Variants in NOTCH1 observed in about 807,000 individuals in gnomAD.
The protein encoded by NOTCH1 is notch receptor 1.
A neutral mutation model predicts 254.8 loss-of-function variants in NOTCH1; 37 were observed. That is an observed-to-expected ratio of 0.15 (90% CI 0.11 to 0.19). The LOEUF is 0.19. NOTCH1 is among the 10% of genes least tolerant of loss of function. The pLI is 1.00. For missense variants in NOTCH1, 2,972 were observed against 3,708.6 expected, an observed-to-expected ratio of 0.80 and a Z score of 5.16; for synonymous variants, 1,731 against 1,618.1, an observed-to-expected ratio of 1.07 and a Z score of -1.68.
chr9:136,500,897 C>T (rs1396147441), intron 30 of NOTCH1, 50 bp from the exon 31 acceptor site: 1 of 1,529,832 alleles, frequency 6.5e-7, no homozygotes, highest in Non-Finnish European at 8.8e-7. Context: ...TCCCCAGCTG[C>T]AGCCCAGGGG....
At chr9:136,532,392 C>T (rs1258845632) in intron 2 of NOTCH1, among the ~76,000 whole-genome samples, 2 of 152,220 alleles carry the variant, frequency 1.3e-5, no homozygotes, top group Non-Finnish European at 1.5e-5. Context: ...CAGGACCTCG[C>T]CCAAATCCCA....
rs368677987 is a variant in NOTCH1, at chr9:136,505,525, G to A, written c.4371C>T (p.Asp1457=). 55 of 1,612,410 alleles carry A rather than the reference G, an allele frequency of 3.4e-5. No homozygotes were observed. The South Asian group carries it at 4.4e-4, about 13-fold the overall frequency. The part of the protein sequence containing the change: ...EACELPECQE[D]AGNKVCSLQC... ...GCAGGCTGCAGACCTTGTTGCCCGC[G>A]TCCTCCTGGCACTCGGGCAGCTCGC... The change falls in exon 25 of 34, where the codon GAC becomes GAT. Residue 1457 remains aspartate, a synonymous_variant. Transcript: ENST00000651671.
chr9:136,500,658 G>A lies in NOTCH1; in HGVS notation c.5828C>T (p.Ala1943Val), dbSNP rs2133325955. Residue 1943 changes from alanine (A) to valine (V), a missense_variant, in exon 31 of 34, where the codon GCC becomes GTC. Ala to Val is a moderately conservative substitution (Grantham distance 64). Coordinates refer to ENST00000651671, the MANE Select transcript of NOTCH1 (RefSeq NM_017617.5). Reference protein sequence around the residue: ...HLAARYSRSDAAKRLLEASAD... With the variant: ...HLAARYSRSDVAKRLLEASAD... ...GCTGGCCTCCAGCAGGCGCTTGGCGGCATCAGAGCGTGAGTAGCGGGCGGC... is the reference window on the plus strand; with the variant it reads ...GCTGGCCTCCAGCAGGCGCTTGGCGACATCAGAGCGTGAGTAGCGGGCGGC... 6.2e-7 allele frequency: 1 copy of A among 1,611,682 alleles called. No individual in the cohort carries two copies.
chr9:136,537,025 T>G (rs573831337), intron 2 of NOTCH1, among the ~76,000 whole-genome samples: 2 of 152,324 alleles, frequency 1.3e-5, no homozygotes, highest in Admixed American at 1.3e-4. Flanking sequence ...TGAGCCTGTC[T>G]CGGAGTCCTG....
intron 2 of NOTCH1, among the ~76,000 whole-genome samples, chr9:136,524,639 C>CTTT (rs869128901): frequency 3.7e-4 from 20 of 54,406 alleles, no homozygotes; most frequent in South Asian, 5.6e-4. Flanking sequence ...TTTTTCTTTT[C>CTTT]TTTTTTTTTT....
chr9:136,537,517 C>T (rs778507199), intron 2 of NOTCH1, among the ~76,000 whole-genome samples: 3 of 152,088 alleles, frequency 2.0e-5, no homozygotes, highest in South Asian at 2.1e-4. Flanking sequence ...GAGAAAGTCC[C>T]GGAACTAGAT....
Position 136,545,333 on chromosome 9 carries a change from C to T in NOTCH1, c.61+393G>A, listed in dbSNP as rs1209661726. Among the ~76,000 whole-genome samples, 2 of 152,114 alleles carry T rather than the reference C, an allele frequency of 1.3e-5. No homozygotes were observed. Among genetic ancestry groups the T allele is most frequent in the Non-Finnish European group, 2.9e-5 (2 of 68,010 alleles). ...GCGAAGAAGAAAGAAGATAAATGGC[C>T]CGGAGAAGCAACAGGAAACCAAAAC... On this transcript the variant is annotated intron_variant, in intron 1 of 33. Coordinates refer to ENST00000651671, the MANE Select transcript of NOTCH1 (RefSeq NM_017617.5). The surrounding 1 kb of genome is among the most constrained non-coding windows in gnomAD (Gnocchi z 6.8).
At chr9:136,514,124 G>T (rs778421343) in intron 13 of NOTCH1, among the ~76,000 whole-genome samples, 7 of 152,228 alleles carry the variant, frequency 4.6e-5, no homozygotes, top group African/African-American at 1.7e-4. Flanking sequence ...AACAAAGCAC[G>T]TGCCTTCTCT....
Position 136,503,192 on chromosome 9 carries a change from C to T in NOTCH1, c.5157G>A (p.Glu1719=), listed in dbSNP as rs1843027705. ...TGGGGCCACACTTACTCTGCACGGC[C>T]TCGATCTTGTAGGGGATGTTGAGGC... is the stretch of plus-strand genomic sequence containing the variant. ...LGSLNIPYKI[E]AVQSETVEPP... The change falls in exon 27 of 34, where the codon GAG becomes GAA. Residue 1719 remains glutamate (E), a synonymous_variant. Coordinates refer to ENST00000651671, the MANE Select transcript of NOTCH1 (RefSeq NM_017617.5). The T allele has an allele frequency of 6.2e-7, 1 of 1,612,840 alleles. No individual in the cohort carries two copies. Among genetic ancestry groups the T allele is most frequent in the Non-Finnish European group, 8.5e-7 (1 of 1,180,014 alleles).
At chr9:136,524,057 C>T (rs950585081) in intron 2 of NOTCH1, 78 bp from the exon 3 acceptor site, 1 of 1,519,028 alleles carries the variant, frequency 6.6e-7, no homozygotes, top group African/African-American at 1.4e-5. Context: ...GGGAACCTGT[C>T]ATGGGCACAG....
intron 2 of NOTCH1, among the ~76,000 whole-genome samples, chr9:136,536,722 G>A (rs1589080699): frequency 6.6e-6 from 1 of 152,232 alleles, no homozygotes; most frequent in Non-Finnish European, 1.5e-5. Flanking sequence ...CACACAGGAG[G>A]CCATGAAGGC....
intron 4 of NOTCH1, among the ~76,000 whole-genome samples, chr9:136,522,220 G>A (rs938562433): frequency 2.8e-4 from 42 of 152,082 alleles, no homozygotes; most frequent in Non-Finnish European, 4.4e-4. Context: ...CTTGTGATCT[G>A]CCCACCTCGG....
In NOTCH1 at chr9:136,545,003, C is replaced by T. The variant is rs1301531990; in HGVS notation, c.61+723G>A. ...GAAAGAGTGGATTAATCACTCGATT[C>T]CCCAGAGACCCCGCTCGCTGTGCGG... On this transcript the variant is annotated intron_variant, in intron 1 of 33. Transcript: ENST00000651671. The surrounding 1 kb of genome is among the most constrained non-coding windows in gnomAD (Gnocchi z 6.8). 6.6e-6 allele frequency among the ~76,000 whole-genome samples: 1 copy of T among 152,150 alleles called. No individual in the cohort carries two copies. The highest frequency in any genetic ancestry group is 1.5e-5 in the Non-Finnish European group (1 of 68,022).
In NOTCH1 at chr9:136,496,441, A is replaced by G. The variant is rs201493851; in HGVS notation, c.7298T>C (p.Phe2433Ser). Residue 2433 changes from phenylalanine to serine, a missense_variant, in exon 34 of 34, where the codon TTC becomes TCC. Around this residue, in one of 8 missense-constraint regions of NOTCH1, gnomAD observed 529 missense variants for 529.2 expected, o/e 1.00. Coordinates refer to ENST00000651671, the MANE Select transcript of NOTCH1 (RefSeq NM_017617.5). ...TGCCTGGCTCGGCTCTCCACTCAGG[A>G]AGCTCCGGCCCAGGTGGCCGCTGGC... is the stretch of plus-strand genomic sequence containing the variant. ...SAASGHLGRS[F>S]LSGEPSQADV... The G allele has an allele frequency of 4.1e-5, 65 of 1,600,130 alleles. No homozygotes were observed. In the African/African-American group the frequency reaches 8.3e-4, roughly 20 times the overall value.
At position 136,517,329 on chromosome 9, in the gene NOTCH1, G is replaced by A. The variant is rs761244165; in HGVS notation, c.1498C>T (p.Leu500=). 3.1e-6 allele frequency: 5 copies of A among 1,609,822 alleles called. No individual in the cohort carries two copies. In the African/African-American group the frequency reaches 5.3e-5, roughly 17 times the overall value. ...NTDECASSPC[L]HNGRCLDKIN... is the part of the protein sequence containing the mutation. ...TTGTCCAGGCAGCGGCCATTGTGCA[G>A]GCAGGGGCTGCTGGCACACTCGTCT... The change falls in exon 9 of 34, where the codon CTG becomes TTG. Residue 500 remains leucine, a synonymous_variant. Transcript: ENST00000651671.
At position 136,515,711 on chromosome 9, in the gene NOTCH1, T is replaced by C; in HGVS notation, c.1675A>G (p.Thr559Ala). The C allele has an allele frequency of 1.3e-6, 2 of 1,539,226 alleles. No individual in the cohort carries two copies. The highest frequency in any genetic ancestry group is 1.7e-6 in the Non-Finnish European group (2 of 1,148,316). The change falls in exon 11 of 34, where the codon ACG becomes GCG. Residue 559 changes from threonine (T) to alanine (A), a missense_variant. Around this residue, in one of 8 missense-constraint regions of NOTCH1, gnomAD observed 128 missense variants for 193.8 expected, o/e 0.66. Transcript: ENST00000651671. ...ATGTCCACCTCGCAGTGCGTCCCCG[T>C]GTACCCTGGACCGTGGGAGGGGCGG... The part of the protein sequence containing the change: ...TYTCVCTEGY[T>A]GTHCEVDIDE...
intron 21 of NOTCH1, 67 bp from the exon 22 acceptor site, chr9:136,507,504 C>G: frequency 1.3e-6 from 2 of 1,550,742 alleles, no homozygotes; most frequent in South Asian, 2.4e-5. Context: ...CTCCCACACC[C>G]CACTGTGAGG....
intron 2 of NOTCH1, among the ~76,000 whole-genome samples, chr9:136,541,726 A>G (rs547007175): frequency 2.6e-5 from 4 of 152,334 alleles, no homozygotes; most frequent in African/African-American, 9.6e-5. Flanking sequence ...AAGCGGCTGC[A>G]ATGTCCCCCA....
At chr9:136,528,846 T>C (rs1296920881) in intron 2 of NOTCH1, among the ~76,000 whole-genome samples, 2 of 152,020 alleles carry the variant, frequency 1.3e-5, no homozygotes, top group Non-Finnish European at 2.9e-5. Context: ...GGGGGTCTTC[T>C]CCCCAGACAC....
Sources: gnomAD v4.1 joint callset for allele counts (sites outside exome capture counted in the v4.1 genomes callset) on GRCh38, gnomAD v4.1.1 for gene constraint, gnomAD v4.1.1 regional missense constraint, Gnocchi (gnomAD v3.1) non-coding constraint, MANE v1.5 for transcripts, NCBI Gene and HGNC (gene_info 2026-07-23, HGNC 2026-07-21) for gene names.